Variants in ASB17 observed in about 807,000 individuals in gnomAD.
ASB17 encodes ankyrin repeat and SOCS box protein 17.
A neutral mutation model predicts 25.7 loss-of-function variants in ASB17; 26 were observed. The observed-to-expected ratio is 1.01, with a 90% CI of 0.74 to 1.40. ASB17 has a LOEUF of 1.40. ASB17 is among the 40% of genes most tolerant of loss of function. The pLI is 0.00. For missense variants in ASB17, 326 were observed against 338.5 expected, an observed-to-expected ratio of 0.96 and a Z score of 0.29; for synonymous variants, 128 against 121.4, an observed-to-expected ratio of 1.05 and a Z score of -0.36.
At chr1:75,930,346 G>GTAAATA (rs1173584155) in intron 1 of ASB17, among the ~76,000 whole-genome samples, 1 of 143,864 alleles carries the variant, frequency 7.0e-6, no homozygotes, top group Non-Finnish European at 1.5e-5. Flanking sequence ...ATAAATATAT[G>GTAAATA]TAAATATAAA....
At position 75,921,378 on chromosome 1, in the gene ASB17, C is replaced by T. The variant is rs533434903; in HGVS notation, c.681+702G>A. Reference sequence around the variant, plus strand: ...GTCACACCCTTAAAGATTAGGGGAACTACTGGATTCCTTGTTAATTTGATT... The same window carrying T: ...GTCACACCCTTAAAGATTAGGGGAATTACTGGATTCCTTGTTAATTTGATT... On this transcript the variant is annotated intron_variant, in intron 2 of 2. Coordinates refer to ENST00000284142, the MANE Select transcript of ASB17 (RefSeq NM_080868.3). Among the ~76,000 whole-genome samples the T allele has an allele frequency of 2.6e-5, 4 of 152,194 alleles. No individual in the cohort carries two copies. The East Asian group carries it at 5.8e-4, about 22-fold the overall frequency.
rs1653056225 is a variant in ASB17, at chr1:75,922,461, A to G, written c.402-102T>C. The stretch of plus-strand genomic sequence containing the variant: ...GGGAAAATAATAGTTTAAATGTTAA[A>G]TGTCTTAAATGTAACTTTATATGTT... On this transcript the variant is annotated intron_variant, in intron 1 of 2. Coordinates refer to ENST00000284142, the MANE Select transcript of ASB17 (RefSeq NM_080868.3). 4.9e-6 allele frequency: 3 copies of G among 608,512 alleles called. No homozygotes were observed. The East Asian group carries it at 1.2e-4, about 24-fold the overall frequency. 37.7% of individuals were successfully genotyped at this position (608,512 alleles called of 1,614,324 possible). A position where few individuals can be genotyped will look rare whatever the true frequency, so the allele number is the denominator to read the frequency against.
At chr1:75,919,239 T>A in intron 2 of ASB17, 81 bp from the exon 3 acceptor site, 5 of 995,268 alleles carry the variant, frequency 5.0e-6, no homozygotes, top group Non-Finnish European at 7.1e-6. Flanking sequence ...ATTTTTAATT[T>A]AAATTTAGAA....
intron 2 of ASB17, 65 bp downstream of exon 2, chr1:75,922,015 C>A: frequency 1.5e-6 from 2 of 1,343,926 alleles, no homozygotes; most frequent in East Asian, 2.4e-5. Context: ...GTATTCTTTC[C>A]TTTACAGTTG....
chr1:75,922,368 TAAAC>T lies in ASB17; in HGVS notation c.402-13_402-10del. 1.9e-6 allele frequency: 3 copies of T among 1,545,124 alleles called. No homozygotes were observed. Among genetic ancestry groups the T allele is most frequent in the Middle Eastern group, 1.8e-4 (1 of 5,584 alleles). On this transcript the variant is annotated splice_polypyrimidine_tract_variant and intron_variant, in intron 1 of 2. Transcript: ENST00000284142. ...ATACTGGTGTGAAAGTTCTGTGAAT[TAAAC>T]AAAACAAAAACTCATTGGATATAGA...
chr1:75,927,293 G>T (rs994280314), intron 1 of ASB17, among the ~76,000 whole-genome samples: 4 of 141,052 alleles, frequency 2.8e-5, no homozygotes, highest in African/African-American at 5.3e-5. Context: ...AAGCCACTAA[G>T]TTTGTGGTAA....
rs1462592498 is a variant in ASB17, at chr1:75,919,075, T to C, written c.765A>G (p.Glu255=). 2 of 1,612,206 alleles carry C rather than the reference T, an allele frequency of 1.2e-6. No homozygotes were observed. Among genetic ancestry groups the C allele is most frequent in the Non-Finnish European group, 1.7e-6 (2 of 1,178,476 alleles). The part of the protein sequence containing the change: ...IPSTRYKDPC[E]LLHLCRLTIR... ...TGGTTAGTCTGCAAAGATGTAATAG[T>C]TCACATGGATCTTTGTATCTTGTTG... The change falls in exon 3 of 3, where the codon GAA becomes GAG. Residue 255 remains glutamate, a synonymous_variant. Coordinates refer to ENST00000284142, the MANE Select transcript of ASB17 (RefSeq NM_080868.3).
chr1:75,920,785 T>G (rs994083052), intron 2 of ASB17, among the ~76,000 whole-genome samples: 7 of 152,048 alleles, frequency 4.6e-5, no homozygotes, highest in African/African-American at 1.7e-4. Flanking sequence ...TTTTCTTTTC[T>G]TTTTTTGGAG....
intron 2 of ASB17, among the ~76,000 whole-genome samples, chr1:75,921,056 G>T (rs1653014117): frequency 6.6e-6 from 1 of 152,056 alleles, no homozygotes; most frequent in Non-Finnish European, 1.5e-5. Context: ...TTACAGGCGT[G>T]AGCCACTGCG....
intron 1 of ASB17, among the ~76,000 whole-genome samples, chr1:75,924,963 C>A (rs940101368): frequency 3.9e-5 from 6 of 152,038 alleles, no homozygotes; most frequent in African/African-American, 1.4e-4. Context: ...TTTTGGAAAA[C>A]TTATTTAACA....
At chr1:75,919,318 T>A (rs1188616133) in intron 2 of ASB17, among the ~76,000 whole-genome samples, 160 bp from the exon 3 acceptor site, 1 of 152,200 alleles carries the variant, frequency 6.6e-6, no homozygotes, top group Non-Finnish European at 1.5e-5. Flanking sequence ...GCAAGTATTT[T>A]ATTCCCATTT....
At chr1:75,925,012 A>G (rs1215861041) in intron 1 of ASB17, among the ~76,000 whole-genome samples, 2 of 152,170 alleles carry the variant, frequency 1.3e-5, no homozygotes, top group East Asian at 1.9e-4. Flanking sequence ...AAATAAATGG[A>G]TAAGCAAAAC....
intron 1 of ASB17, 129 bp from the exon 2 acceptor site, chr1:75,922,488 C>G: frequency 8.4e-6 from 1 of 118,466 alleles, no homozygotes; most frequent in Non-Finnish European, 1.3e-5. Context: ...TTATATGTTT[C>G]TTTTTTTTTT....
At chr1:75,928,279 T>C (rs1031258996) in intron 1 of ASB17, among the ~76,000 whole-genome samples, 3 of 152,220 alleles carry the variant, frequency 2.0e-5, no homozygotes, top group African/African-American at 7.2e-5. Context: ...TCAGGAAATG[T>C]GTCTACTTTG....
At chr1:75,925,118 G>A (rs568935699) in intron 1 of ASB17, among the ~76,000 whole-genome samples, 42 of 151,924 alleles carry the variant, frequency 2.8e-4, no homozygotes, top group South Asian at 6.2e-4. Context: ...CCCATATTAC[G>A]CACTCAAATA....
chr1:75,920,853 C>T (rs1653006933), intron 2 of ASB17, among the ~76,000 whole-genome samples: 1 of 152,150 alleles, frequency 6.6e-6, no homozygotes, highest in South Asian at 2.1e-4. Context: ...CTGCTCACTG[C>T]AAGCTCCGCC....
At chr1:75,928,731 A>G (rs763741334) in intron 1 of ASB17, among the ~76,000 whole-genome samples, 9 of 152,214 alleles carry the variant, frequency 5.9e-5, no homozygotes, top group Admixed American at 2.6e-4. Context: ...GCAGTACAGG[A>G]AAGAAGAATC....
rs779113134 is a variant in ASB17 at position 75,919,118 on chromosome 1, C to G, written c.722G>C (p.Trp241Ser). 4 of 1,612,728 alleles carry G rather than the reference C, an allele frequency of 2.5e-6. No homozygotes were observed. The highest frequency in any genetic ancestry group is 3.4e-6 in the Non-Finnish European group (4 of 1,179,520). ...SLGRHPIISN[W>S]FDYIPSTRYK... ...TCTTGTTGAAGGAATGTAATCAAAC[C>G]AATTTGAAATAATTGGATGTCTTCC... The change falls in exon 3 of 3, where the codon TGG becomes TCG. Residue 241 changes from tryptophan (W) to serine (S), a missense_variant. By Grantham distance (177) the Trp-to-Ser change is radical. Coordinates refer to ENST00000284142, the MANE Select transcript of ASB17 (RefSeq NM_080868.3).
chr1:75,922,815 G>A (rs926643005), intron 1 of ASB17, among the ~76,000 whole-genome samples: 8 of 152,140 alleles, frequency 5.3e-5, no homozygotes, highest in Admixed American at 2.6e-4. Context: ...CTTAAAAGGA[G>A]TTTTCCACTC....
Sources: allele counts gnomAD v4.1 joint callset (sites outside exome capture counted in the v4.1 genomes callset), GRCh38; gene constraint gnomAD v4.1.1; transcripts MANE v1.5; gene names NCBI Gene and HGNC (gene_info 2026-07-23, HGNC 2026-07-21).